Variants in TPCN2 observed in about 807,000 individuals in gnomAD.
TPCN2 encodes the protein two pore segment channel 2.
Under a neutral mutation model 111.4 loss-of-function variants are expected in TPCN2, and 92 were observed. The ratio of observed to expected loss-of-function variants is 0.83; its 90% CI spans 0.70 to 0.98. The LOEUF is 0.98. Ranked by LOEUF, TPCN2 falls within the 50% of genes least tolerant of loss-of-function variation. TPCN2 has a pLI of 0.00. For missense variants in TPCN2, 995 were observed against 980.1 expected (o/e 1.02, Z -0.20); for synonymous variants, 405 against 414.5 (o/e 0.98, Z 0.28).
chr11:69,077,749 A>T (rs982631075), intron 13 of TPCN2, among the ~76,000 whole-genome samples: 1 of 152,050 alleles, frequency 6.6e-6, no homozygotes, highest in Admixed American at 6.6e-5. Context: ...CTCCATTTTC[A>T]TATGGACTTT....
At chr11:69,078,400 A>C in intron 13 of TPCN2, 82 bp from the exon 14 acceptor site, 1 of 1,569,652 alleles carries the variant, frequency 6.4e-7, no homozygotes, top group Non-Finnish European at 8.7e-7. Context: ...CAAATCCCAG[A>C]ATAAGAGGGT....
At chr11:69,049,223 G>C (rs573670448) in intron 1 of TPCN2, 117 bp downstream of exon 1, 2 of 661,490 alleles carry the variant, frequency 3.0e-6, no homozygotes, top group Non-Finnish European at 4.3e-6. Flanking sequence ...GTTCGAGTCC[G>C]AGCGGGGCCC....
At chr11:69,086,753 T>A in intron 23 of TPCN2, 149 bp downstream of exon 23, 1 of 678,052 alleles carries the variant, frequency 1.5e-6, no homozygotes, top group Non-Finnish European at 2.5e-6. Context: ...GCTGAGCCCC[T>A]CCCGTGGGGC....
In TPCN2 at chr11:69,081,517, C is replaced by T; in HGVS notation, c.1689+18C>T. 1.3e-6 allele frequency: 2 copies of T among 1,509,402 alleles called. No homozygotes were observed. The highest frequency in any genetic ancestry group is 1.4e-5 in the African/African-American group (1 of 72,528). 93.5% of individuals were successfully genotyped at this position (1,509,402 alleles called of 1,614,324 possible). The stretch of plus-strand genomic sequence containing the variant: ...GCATGAAGGTGTGTGCCGGCCCCAC[C>T]CCCACTCGCCCCACCCTCCTGGGTC... On this transcript the variant is annotated intron_variant, in intron 18 of 24. Transcript: ENST00000294309.
intron 7 of TPCN2, among the ~76,000 whole-genome samples, chr11:69,067,062 C>T: frequency 6.6e-6 from 1 of 152,182 alleles, no homozygotes; most frequent in Non-Finnish European, 1.5e-5. Context: ...GGCCCTGACA[C>T]ACAGCCTCTA....
chr11:69,055,362 G>A lies in TPCN2; in HGVS notation c.429+10G>A, dbSNP rs1854707383. ...CGACCTCTCTGTGAAGGTGAGGCGG[G>A]CGCCAGGCCCTCTACGTGCTGCCCC... On this transcript the variant is annotated intron_variant, in intron 4 of 24. Coordinates refer to ENST00000294309, the MANE Select transcript of TPCN2 (RefSeq NM_139075.4). 1 of 1,598,302 alleles carries A rather than the reference G, an allele frequency of 6.3e-7. No homozygotes were observed. Among genetic ancestry groups the A allele is most frequent in the Non-Finnish European group, 8.5e-7 (1 of 1,174,318 alleles).
Position 69,072,846 on chromosome 11 carries a change from GGGGCGCTCACCTTCGA to G in TPCN2, c.1144-54_1144-39del, listed in dbSNP as rs370523884. On this transcript the variant is annotated intron_variant, in intron 12 of 24. Coordinates refer to ENST00000294309, the MANE Select transcript of TPCN2 (RefSeq NM_139075.4). ...GCCCGTCAGGGTGGGGTTGGGGCTGGGGGCGCTCACCTTCGAGGGCGCTCACCTTCCCGTGCGCCCC... is the reference window on the plus strand; with the variant it reads ...GCCCGTCAGGGTGGGGTTGGGGCTGGGGGCGCTCACCTTCCCGTGCGCCCC... The G allele has an allele frequency of 8.3e-4, 1,268 of 1,528,594 alleles. 10 individuals are homozygous for G. The African/African-American group carries it at 0.016, about 19-fold the overall frequency. 94.7% of individuals were successfully genotyped at this position (1,528,594 alleles called of 1,614,324 possible).
chr11:69,079,106 C>G, intron 16 of TPCN2, 86 bp downstream of exon 16: 1 of 1,476,160 alleles, frequency 6.8e-7, no homozygotes, highest in East Asian at 2.3e-5. Flanking sequence ...CTCAGGCCTC[C>G]CCTGAGGACT....
At chr11:69,070,217 G>A (rs1014245536) in intron 8 of TPCN2, among the ~76,000 whole-genome samples, 17 of 152,024 alleles carry the variant, frequency 1.1e-4, no homozygotes, top group African/African-American at 4.1e-4. Context: ...TAGAGATGGA[G>A]TTTTACTATG....
chr11:69,085,280 ACAG>A lies in TPCN2; in HGVS notation c.1836_1838del (p.Ser613del). On this transcript the variant is annotated inframe_deletion, in exon 20 of 25. Coordinates refer to ENST00000294309, the MANE Select transcript of TPCN2 (RefSeq NM_139075.4). The stretch of plus-strand genomic sequence containing the variant: ...GGCGTCATTGTGGCTCTTCCTGGAA[ACAG>A]CAGGTGAGGTGGGGTCCGAGGTGCC... The A allele has an allele frequency of 5.9e-6, 9 of 1,516,504 alleles. No individual in the cohort carries two copies. The highest frequency in any genetic ancestry group is 8.0e-6 in the Non-Finnish European group (9 of 1,120,634). The allele number at this position is 1,516,504 out of a possible 1,614,324, so 93.9% of individuals were successfully genotyped here.
chr11:69,066,906 C>T (rs1855296579), intron 7 of TPCN2, among the ~76,000 whole-genome samples: 2 of 152,188 alleles, frequency 1.3e-5, no homozygotes, highest in African/African-American at 4.8e-5. Context: ...ACTGCATGTG[C>T]CAGCTGTGTT....
chr11:69,075,912 A>G (rs117049213), intron 13 of TPCN2, among the ~76,000 whole-genome samples: 306 of 152,356 alleles, frequency 2.0e-3, no homozygotes, highest in Non-Finnish European at 3.0e-3. Context: ...AGAGACAAGC[A>G]CTTTAGTCAT....
At chr11:69,057,514 A>G (rs1854827492) in intron 4 of TPCN2, 64 bp from the exon 5 acceptor site, 4 of 1,480,246 alleles carry the variant, frequency 2.7e-6, no homozygotes, top group Non-Finnish European at 3.8e-6. Context: ...GCGCACCGTC[A>G]TTCTCTGGCT....
chr11:69,064,093 GC>G, intron 7 of TPCN2, 126 bp downstream of exon 7: 1 of 895,790 alleles, frequency 1.1e-6, no homozygotes, highest in Non-Finnish European at 1.8e-6. Context: ...AATAGCAGTG[GC>G]CCATCTGGGG....
Position 69,049,008 on chromosome 11 carries a change from C to A in TPCN2, c.11C>A (p.Pro4His). Residue 4 changes from proline (P) to histidine (H), a missense_variant, in exon 1 of 25, where the codon CCC (proline) becomes CAC (histidine). Physicochemically the swap from Pro to His is moderately conservative, Grantham distance 77 (BLOSUM62 -2). Transcript: ENST00000294309. ...CGCGTGGGCTGCTGGATGGCGGAAC[C>A]CCAGGCGGAGTCGGAGCCCCTGCTG... MAEPQAESEPLLGG... is the reference protein window; with the variant it reads MAEHQAESEPLLGG... 1 of 1,239,384 alleles carries A rather than the reference C, an allele frequency of 8.1e-7. No homozygotes were observed. The highest frequency in any genetic ancestry group is 1.0e-6 in the Non-Finnish European group (1 of 987,962). The allele number at this position is 1,239,384 out of a possible 1,614,324, so 76.8% of individuals were successfully genotyped here. A position where few individuals can be genotyped will look rare whatever the true frequency, so the allele number is the denominator to read the frequency against.
rs1328857009 is a variant in TPCN2 at position 69,081,522 on chromosome 11, C to G, written c.1689+23C>G. On this transcript the variant is annotated intron_variant, in intron 18 of 24. Coordinates refer to ENST00000294309, the MANE Select transcript of TPCN2 (RefSeq NM_139075.4). ...AAGGTGTGTGCCGGCCCCACCCCCA[C>G]TCGCCCCACCCTCCTGGGTCATGCT... 17 of 1,507,814 alleles carry G rather than the reference C, an allele frequency of 1.1e-5. No homozygotes were observed. In the East Asian group the frequency reaches 4.2e-4, roughly 37 times the overall value. The allele number at this position is 1,507,814 out of a possible 1,614,324, so 93.4% of individuals were successfully genotyped here.
In TPCN2 at chr11:69,062,498, C is replaced by T. The variant is rs1372065890; in HGVS notation, c.547-386C>T. Among the ~76,000 whole-genome samples, 5 of 151,988 alleles carry T rather than the reference C, an allele frequency of 3.3e-5. No homozygotes were observed. The East Asian group carries it at 9.7e-4, about 29-fold the overall frequency. On this transcript the variant is annotated intron_variant, in intron 5 of 24. Coordinates refer to ENST00000294309, the MANE Select transcript of TPCN2 (RefSeq NM_139075.4). The stretch of plus-strand genomic sequence containing the variant: ...AGGGGTGAGGAGGCGGGGATGGTAC[C>T]CTGAGAAGCCAGGTGTGCTGGGCAA...
At chr11:69,083,796 T>G (rs1590752372) in intron 18 of TPCN2, 149 bp from the exon 19 acceptor site, 2 of 672,506 alleles carry the variant, frequency 3.0e-6, no homozygotes. Flanking sequence ...CGTGTGGGGG[T>G]GGCTGTGGGT....
chr11:69,078,374 T>G (rs1855876556), intron 13 of TPCN2, 108 bp from the exon 14 acceptor site: 1 of 1,396,436 alleles, frequency 7.2e-7, no homozygotes, highest in East Asian at 2.4e-5. Context: ...GGACGGGAGA[T>G]GGGGTAGGAA....
Sources: gnomAD v4.1 joint callset for allele counts (sites outside exome capture counted in the v4.1 genomes callset) on GRCh38, gnomAD v4.1.1 for gene constraint, MANE v1.5 for transcripts, NCBI Gene and HGNC (gene_info 2026-07-23, HGNC 2026-07-21) for gene names.